Variants in DOCK3 observed in about 807,000 individuals in gnomAD.
DOCK3 encodes the protein dedicator of cytokinesis protein 3.
In DOCK3, 60 loss-of-function variants were observed where a neutral mutation model predicts 265.6. That is an observed-to-expected ratio of 0.23 (90% CI 0.18 to 0.28). DOCK3 has a LOEUF of 0.28. Among genes scored for constraint, DOCK3 ranks in the 10% least tolerant of loss-of-function variants. The probability of loss-of-function intolerance (pLI) is 1.00; values close to 1 mark genes in which losing one functional copy is unlikely to be tolerated. For missense variants in DOCK3, 1,981 were observed against 2,594.3 expected, an observed-to-expected ratio of 0.76 and a Z score of 5.14; for synonymous variants, 881 against 938.0, an observed-to-expected ratio of 0.94 and a Z score of 1.11.
At chr3:50,697,737 A>T (rs2035725663) in intron 1 of DOCK3, among the ~76,000 whole-genome samples, 1 of 151,966 alleles carries the variant, frequency 6.6e-6, no homozygotes, top group African/African-American at 2.4e-5. Flanking sequence ...ATTCAGTGTG[A>T]CTCAGCTCAT....
At chr3:50,743,239 G>C (rs905857953) in intron 1 of DOCK3, among the ~76,000 whole-genome samples, 1 of 151,856 alleles carries the variant, frequency 6.6e-6, no homozygotes, top group Admixed American at 6.6e-5. Flanking sequence ...CTGCAAAATC[G>C]TGCCAAATTG....
intron 2 of DOCK3, among the ~76,000 whole-genome samples, chr3:50,835,025 A>G (rs1018460336): frequency 6.6e-6 from 1 of 152,188 alleles, no homozygotes; most frequent in African/African-American, 2.4e-5. Flanking sequence ...TTTTATAACC[A>G]TTTAAAATTT....
chr3:51,068,306 C>T (rs377054415), intron 6 of DOCK3, among the ~76,000 whole-genome samples: 16 of 151,476 alleles, frequency 1.1e-4, no homozygotes, highest in African/African-American at 3.4e-4. Context: ...TTTGGGAGGC[C>T]GAGGCGGGCA....
chr3:50,901,962 T>G (rs575751283), intron 4 of DOCK3, among the ~76,000 whole-genome samples: 2 of 152,322 alleles, frequency 1.3e-5, no homozygotes, highest in East Asian at 3.9e-4. Flanking sequence ...TTCTTGATTC[T>G]CTCTCTCCCA....
intron 5 of DOCK3, among the ~76,000 whole-genome samples, chr3:50,939,426 A>G (rs1180716446): frequency 6.6e-6 from 1 of 152,126 alleles, no homozygotes; most frequent in Non-Finnish European, 1.5e-5. Context: ...AAGACAGTAC[A>G]AAAAGAAAAA....
At chr3:50,944,630 AAG>A (rs2076380424) in intron 5 of DOCK3, among the ~76,000 whole-genome samples, 1 of 152,178 alleles carries the variant, frequency 6.6e-6, no homozygotes, top group Non-Finnish European at 1.5e-5. Context: ...CAATAAGAAA[AAG>A]GGAATTTTCC....
intron 27 of DOCK3, among the ~76,000 whole-genome samples, chr3:51,281,178 T>A (rs1035967951): frequency 6.6e-6 from 1 of 151,514 alleles, no homozygotes; most frequent in Non-Finnish European, 1.5e-5. Context: ...AGAACAGTGA[T>A]GTCCAGTCTT....
intron 1 of DOCK3, among the ~76,000 whole-genome samples, chr3:50,749,411 CAA>C (rs1416763825): frequency 6.6e-6 from 1 of 152,066 alleles, no homozygotes; most frequent in East Asian, 1.9e-4. Context: ...TAAAAGAAAA[CAA>C]GAAGTAAAAG....
chr3:50,716,587 A>T (rs1157030553), intron 1 of DOCK3, among the ~76,000 whole-genome samples: 7 of 147,378 alleles, frequency 4.7e-5, no homozygotes, highest in Non-Finnish European at 6.0e-5. Flanking sequence ...ATATATATTT[A>T]TTTTTTTTTT....
At chr3:50,700,488 C>G (rs2035968524) in intron 1 of DOCK3, among the ~76,000 whole-genome samples, 2 of 152,096 alleles carry the variant, frequency 1.3e-5, no homozygotes, top group South Asian at 4.1e-4. Flanking sequence ...TCCATGAGAT[C>G]CATTTTTTTT....
At chr3:51,126,138 AC>A (rs1294997165) in intron 9 of DOCK3, among the ~76,000 whole-genome samples, 1 of 152,240 alleles carries the variant, frequency 6.6e-6, no homozygotes, top group African/African-American at 2.4e-5. Context: ...TCTTTTGTAC[AC>A]TTGATGAAGT....
At chr3:51,026,608 G>A (rs1438869824) in intron 5 of DOCK3, among the ~76,000 whole-genome samples, 4 of 151,862 alleles carry the variant, frequency 2.6e-5, no homozygotes, top group Non-Finnish European at 4.4e-5. Context: ...GAATCCATCT[G>A]GTCTAAGGCT....
chr3:51,089,398 G>C, intron 8 of DOCK3, 114 bp downstream of exon 8: 4 of 1,316,082 alleles, frequency 3.0e-6, no homozygotes, highest in Non-Finnish European at 4.2e-6. Flanking sequence ...TGACTGTGTG[G>C]TGTCTTTATC....
intron 9 of DOCK3, among the ~76,000 whole-genome samples, chr3:51,108,011 A>T (rs1255540931): frequency 6.6e-6 from 1 of 152,100 alleles, no homozygotes; most frequent in Admixed American, 6.6e-5. Flanking sequence ...CCTACAAGCC[A>T]GAAGAGATTG....
chr3:51,025,873 G>T (rs1448261405), intron 5 of DOCK3, among the ~76,000 whole-genome samples: 1 of 152,044 alleles, frequency 6.6e-6, no homozygotes, highest in Non-Finnish European at 1.5e-5. Context: ...TTCTTCCATG[G>T]CCTGAATTTT....
At chr3:51,256,922 A>G (rs1353104545) in intron 22 of DOCK3, among the ~76,000 whole-genome samples, 3 of 152,180 alleles carry the variant, frequency 2.0e-5, no homozygotes, top group Non-Finnish European at 2.9e-5. Flanking sequence ...TAAGGAACCA[A>G]AAGGCAACTG....
At chr3:51,158,837 CTT>C (rs939602087) in intron 10 of DOCK3, among the ~76,000 whole-genome samples, 3 of 152,246 alleles carry the variant, frequency 2.0e-5, no homozygotes, top group Admixed American at 1.3e-4. Context: ...GGAGAACAAA[CTT>C]ATAGAATTTT....
intron 1 of DOCK3, among the ~76,000 whole-genome samples, chr3:50,705,138 T>G (rs2036319373): frequency 6.6e-6 from 1 of 152,024 alleles, no homozygotes; most frequent in Non-Finnish European, 1.5e-5. Context: ...CTCTTTTTCT[T>G]TTTTGTGTAC....
intron 1 of DOCK3, among the ~76,000 whole-genome samples, chr3:50,728,133 A>G (rs765290676): frequency 2.6e-5 from 4 of 152,212 alleles, no homozygotes; most frequent in African/African-American, 9.6e-5. Context: ...TAAAAACCGT[A>G]AAATAATCAG....
Sources: allele counts gnomAD v4.1 joint callset (sites outside exome capture counted in the v4.1 genomes callset), GRCh38; gene constraint gnomAD v4.1.1; transcripts MANE v1.5; gene names NCBI Gene and HGNC (gene_info 2026-07-23, HGNC 2026-07-21).